STXBP5L: variants seen among roughly 807,000 people sequenced by gnomAD.
The protein encoded by STXBP5L is syntaxin-binding protein 5-like.
A neutral mutation model predicts 144.5 loss-of-function variants in STXBP5L; 65 were observed. The observed-to-expected ratio is 0.45, with a 90% CI of 0.37 to 0.55. STXBP5L has a LOEUF of 0.55. STXBP5L is among the 20% of genes least tolerant of loss of function. The pLI is 0.00. For synonymous variants in STXBP5L, 505 were observed against 469.6 expected (o/e 1.08, Z -0.97); for missense variants, 1,298 against 1,405.5 (o/e 0.92, Z 1.22).
chr3:121,351,769 C>G (rs1418778871), intron 20 of STXBP5L, among the ~76,000 whole-genome samples: 1 of 152,050 alleles, frequency 6.6e-6, no homozygotes, highest in Non-Finnish European at 1.5e-5. Context: ...TTGCCCATGT[C>G]CTGAATGGTA....
At chr3:121,355,780 G>A (rs1273446469) in intron 20 of STXBP5L, among the ~76,000 whole-genome samples, 4 of 152,204 alleles carry the variant, frequency 2.6e-5, no homozygotes, top group Admixed American at 6.5e-5. Flanking sequence ...CTGATTTTTC[G>A]AATTTTCAGC....
intron 14 of STXBP5L, 129 bp downstream of exon 14, chr3:121,240,636 C>A: frequency 1.3e-6 from 1 of 777,144 alleles, no homozygotes; most frequent in Non-Finnish European, 2.0e-6. Flanking sequence ...TAAGAAATAG[C>A]TTCTACCCAA....
At chr3:121,285,260 T>C (rs1054259790) in intron 19 of STXBP5L, among the ~76,000 whole-genome samples, 1 of 151,926 alleles carries the variant, frequency 6.6e-6, no homozygotes, top group African/African-American at 2.4e-5. Context: ...TCTCTACACA[T>C]GAGAAAATTG....
chr3:121,332,200 G>C (rs2044341752), intron 20 of STXBP5L, among the ~76,000 whole-genome samples: 1 of 151,754 alleles, frequency 6.6e-6, no homozygotes, highest in African/African-American at 2.4e-5. Context: ...ACAAGATACT[G>C]TAGTACCCCC....
At chr3:120,940,340 A>G (rs916140138) in intron 2 of STXBP5L, among the ~76,000 whole-genome samples, 2 of 150,232 alleles carry the variant, frequency 1.3e-5, no homozygotes, top group African/African-American at 4.8e-5. Context: ...TAGGGCAGGA[A>G]GAAAGATGGA....
chr3:121,319,963 T>C (rs371888402), intron 20 of STXBP5L, among the ~76,000 whole-genome samples: 2 of 152,070 alleles, frequency 1.3e-5, no homozygotes, highest in Non-Finnish European at 2.9e-5. Context: ...TTAAAGATGA[T>C]AATAATAATA....
chr3:121,212,636 G>A (rs2048621936), intron 10 of STXBP5L, among the ~76,000 whole-genome samples: 1 of 152,168 alleles, frequency 6.6e-6, no homozygotes, highest in Admixed American at 6.6e-5. Context: ...ATAGTTTGAA[G>A]TCAGGTAGCA....
At chr3:121,300,416 T>C (rs2051843411) in intron 19 of STXBP5L, among the ~76,000 whole-genome samples, 1 of 152,194 alleles carries the variant, frequency 6.6e-6, no homozygotes, top group Non-Finnish European at 1.5e-5. Flanking sequence ...TCTGTGTTAC[T>C]CTTTCAGAAG....
Position 121,210,610 on chromosome 3 carries a change from AG to A in STXBP5L, c.956+4611del, listed in dbSNP as rs1315311378. Among the ~76,000 whole-genome samples, 6 of 152,284 alleles carry A rather than the reference AG, an allele frequency of 3.9e-5. No individual in the cohort carries two copies. The East Asian group carries it at 1.2e-3, about 29-fold the overall frequency. ...TCCATCTTGAATTAATTTTTGTATAAGGTGTGAGTAAGGGATCCAGTTTCAG... is the reference window on the plus strand; with the variant it reads ...TCCATCTTGAATTAATTTTTGTATAAGTGTGAGTAAGGGATCCAGTTTCAG... On this transcript the variant is annotated intron_variant, in intron 10 of 26. Transcript: ENST00000471454.
Position 121,252,258 on chromosome 3 carries a change from CG to C in STXBP5L, c.1441+1498del, listed in dbSNP as rs1295972096. On this transcript the variant is annotated intron_variant, in intron 15 of 26. Coordinates refer to ENST00000471454, the MANE Select transcript of STXBP5L (RefSeq NM_001308330.2). ...GCATGCGCCTGTGGTCCCAGCTACT[CG>C]GGAGGCTGAGGCAGGAGAATTGCTG... Among the ~76,000 whole-genome samples, 21 of 151,956 alleles carry C rather than the reference CG, an allele frequency of 1.4e-4. No individual in the cohort carries two copies. The East Asian group carries it at 4.1e-3, about 29-fold the overall frequency.
chr3:120,944,748 A>G (rs570107154), intron 2 of STXBP5L, among the ~76,000 whole-genome samples: 1 of 151,876 alleles, frequency 6.6e-6, no homozygotes, highest in African/African-American at 2.4e-5. Context: ...ATGGAGTTTC[A>G]TGGGAACTTG....
At chr3:121,322,449 G>T (rs1428345038) in intron 20 of STXBP5L, among the ~76,000 whole-genome samples, 1 of 142,614 alleles carries the variant, frequency 7.0e-6, no homozygotes, top group Non-Finnish European at 1.5e-5. Flanking sequence ...TTGCACTCCA[G>T]CCTGGGCAAC....
intron 5 of STXBP5L, among the ~76,000 whole-genome samples, chr3:121,051,402 C>G (rs1430233131): frequency 6.6e-6 from 1 of 152,278 alleles, no homozygotes; most frequent in Admixed American, 6.5e-5. Flanking sequence ...GACAACAGTG[C>G]AATCAAACTA....
chr3:121,018,405 A>G (rs1009893525), intron 3 of STXBP5L, among the ~76,000 whole-genome samples: 2 of 152,186 alleles, frequency 1.3e-5, no homozygotes, highest in African/African-American at 4.8e-5. Context: ...AGGTAACACC[A>G]AAATAGATCT....
At chr3:120,978,337 C>T (rs1390380458) in intron 3 of STXBP5L, among the ~76,000 whole-genome samples, 1 of 152,220 alleles carries the variant, frequency 6.6e-6, no homozygotes, top group Admixed American at 6.5e-5. Context: ...TTGTTCGCAT[C>T]AGCTCTTGAG....
At chr3:121,186,524 A>T (rs2108133749) in intron 9 of STXBP5L, among the ~76,000 whole-genome samples, 1 of 152,316 alleles carries the variant, frequency 6.6e-6, no homozygotes, top group African/African-American at 2.4e-5. Context: ...ATTTTGTCAA[A>T]GGCCTTTCCT....
At chr3:121,351,944 C>G (rs778379560) in intron 20 of STXBP5L, among the ~76,000 whole-genome samples, 2 of 152,082 alleles carry the variant, frequency 1.3e-5, no homozygotes, top group Admixed American at 6.5e-5. Flanking sequence ...ATAGGGAATC[C>G]TTTCCCCATT....
At chr3:121,203,009 T>G (rs1383892333) in intron 9 of STXBP5L, among the ~76,000 whole-genome samples, 1 of 152,044 alleles carries the variant, frequency 6.6e-6, no homozygotes, top group Non-Finnish European at 1.5e-5. Context: ...ATGTATATTC[T>G]TGTGATTAAC....
At position 121,280,683 on chromosome 3, in the gene STXBP5L, T is replaced by C. The variant is rs2051028243; in HGVS notation, c.2110+727T>C. Reference sequence around the variant, plus strand: ...CTGCCAAAGTTTTGCATATTTTCTGTCCATTGACAGTCCAGTTGGTAAAAG... The same window carrying C: ...CTGCCAAAGTTTTGCATATTTTCTGCCCATTGACAGTCCAGTTGGTAAAAG... On this transcript the variant is annotated intron_variant, in intron 19 of 26. Coordinates refer to ENST00000471454, the MANE Select transcript of STXBP5L (RefSeq NM_001308330.2). Among the ~76,000 whole-genome samples the C allele has an allele frequency of 2.0e-5, 3 of 152,030 alleles. No homozygotes were observed. In the South Asian group the frequency reaches 6.2e-4, roughly 31 times the overall value.
Sources: allele counts gnomAD v4.1 joint callset (sites outside exome capture counted in the v4.1 genomes callset), GRCh38; gene constraint gnomAD v4.1.1; transcripts MANE v1.5; gene names NCBI Gene and HGNC (gene_info 2026-07-23, HGNC 2026-07-21).